OSBPL1A: variants seen among roughly 807,000 people sequenced by gnomAD.
The protein encoded by OSBPL1A is oxysterol-binding protein-related protein 1.
Under a neutral mutation model 137.1 loss-of-function variants are expected in OSBPL1A, and 80 were observed. The ratio of observed to expected loss-of-function variants is 0.58; its 90% CI spans 0.49 to 0.70. The LOEUF is 0.70. Ranked by LOEUF, OSBPL1A falls within the 30% of genes least tolerant of loss-of-function variation. The pLI, the probability that OSBPL1A is intolerant of heterozygous loss-of-function variation, is 0.00. For synonymous variants in OSBPL1A, 365 were observed against 389.7 expected (o/e 0.94, Z 0.75); for missense variants, 970 against 1,129.4 (o/e 0.86, Z 2.02).
At chr18:24,297,855 T>C (rs1376523213) in intron 14 of OSBPL1A, among the ~76,000 whole-genome samples, 1 of 152,174 alleles carries the variant, frequency 6.6e-6, no homozygotes, top group East Asian at 1.9e-4. Flanking sequence ...GAGAAGAATG[T>C]ATATTCTGCA....
At chr18:24,239,925 CTTT>C (rs10699940) in intron 15 of OSBPL1A, among the ~76,000 whole-genome samples, 6,847 of 125,574 alleles carry the variant, frequency 0.055, 201 homozygotes, top group African/African-American at 0.094. Context: ...TCATTTTTCT[CTTT>C]TTTTTTTTTT....
At chr18:24,263,357 G>A (rs1323889686) in intron 15 of OSBPL1A, among the ~76,000 whole-genome samples, 2 of 152,172 alleles carry the variant, frequency 1.3e-5, no homozygotes, top group Non-Finnish European at 2.9e-5. Flanking sequence ...ATCTTGTGAG[G>A]TTTGCCACTG....
chr18:24,281,885 G>A (rs1208791657), intron 14 of OSBPL1A, among the ~76,000 whole-genome samples: 4 of 152,178 alleles, frequency 2.6e-5, no homozygotes, highest in African/African-American at 9.6e-5. Context: ...GGTGAGTGGA[G>A]GGTGAGTGAG....
In OSBPL1A at chr18:24,269,641, A is replaced by G. The variant is rs535867095; in HGVS notation, c.1281+11201T>C. Among the ~76,000 whole-genome samples, 3 of 152,280 alleles carry G rather than the reference A, an allele frequency of 2.0e-5. No individual in the cohort carries two copies. The East Asian group carries it at 5.8e-4, about 29-fold the overall frequency. ...AATGTATAGGGGTTACACCCTTAAG[A>G]CTCTGAAGTTAAAATGAAAGGAAAA... On this transcript the variant is annotated intron_variant, in intron 15 of 27. Coordinates refer to ENST00000319481, the MANE Select transcript of OSBPL1A (RefSeq NM_080597.4).
At chr18:24,307,014 T>C (rs564325997) in intron 13 of OSBPL1A, among the ~76,000 whole-genome samples, 18 of 150,696 alleles carry the variant, frequency 1.2e-4, no homozygotes, top group African/African-American at 4.1e-4. Context: ...CCCAGCACTT[T>C]GGGAGGCTGA....
chr18:24,192,139 G>A (rs139765410), intron 18 of OSBPL1A, among the ~76,000 whole-genome samples: 4 of 152,218 alleles, frequency 2.6e-5, no homozygotes, highest in South Asian at 2.1e-4. Flanking sequence ...AGGGCAGCAC[G>A]CACATGGCCT....
intron 18 of OSBPL1A, among the ~76,000 whole-genome samples, chr18:24,182,512 C>G (rs72883234): frequency 0.15 from 22,882 of 152,140 alleles, 1,953 homozygotes; most frequent in Middle Eastern, 0.27. Flanking sequence ...CCTGACTTAC[C>G]TCTGACTTTT....
chr18:24,363,127 A>C (rs1284684294), intron 4 of OSBPL1A, among the ~76,000 whole-genome samples: 2 of 152,242 alleles, frequency 1.3e-5, no homozygotes, highest in Non-Finnish European at 2.9e-5. Flanking sequence ...TGCTTTTTCT[A>C]TTAGAGTGTC....
chr18:24,370,601 C>CA (rs367792335), intron 2 of OSBPL1A, among the ~76,000 whole-genome samples: 56 of 152,322 alleles, frequency 3.7e-4, no homozygotes, highest in Middle Eastern at 3.4e-3. Flanking sequence ...CAAGCACTCC[C>CA]AACTTCCCAG....
intron 4 of OSBPL1A, among the ~76,000 whole-genome samples, chr18:24,361,758 A>C (rs2091623414): frequency 6.6e-6 from 1 of 152,004 alleles, no homozygotes. Flanking sequence ...CCCTCCTATA[A>C]CCCCAGCACT....
intron 13 of OSBPL1A, among the ~76,000 whole-genome samples, chr18:24,307,099 A>AG: frequency 1.3e-5 from 2 of 151,020 alleles, no homozygotes; most frequent in East Asian, 3.9e-4. Flanking sequence ...CTACAAAAAA[A>AG]AAAAAACAAA....
At chr18:24,285,808 T>G (rs1159299513) in intron 14 of OSBPL1A, among the ~76,000 whole-genome samples, 9 of 152,162 alleles carry the variant, frequency 5.9e-5, no homozygotes. Context: ...CAATACATAA[T>G]GACTATATAC....
At chr18:24,360,117 C>T (rs115738789) in intron 4 of OSBPL1A, among the ~76,000 whole-genome samples, 2,103 of 152,124 alleles carry the variant, frequency 0.014, 44 homozygotes, top group African/African-American at 0.046. Flanking sequence ...TACAGGTACC[C>T]GACACCAGGC....
intron 15 of OSBPL1A, among the ~76,000 whole-genome samples, chr18:24,259,429 A>G (rs2089383673): frequency 6.6e-6 from 1 of 152,154 alleles, no homozygotes; most frequent in African/African-American, 2.4e-5. Flanking sequence ...ATACTTCTCC[A>G]TCTCTCTGTC....
chr18:24,295,404 CT>C (rs1356292698), intron 14 of OSBPL1A, among the ~76,000 whole-genome samples: 2 of 152,134 alleles, frequency 1.3e-5, no homozygotes, highest in Non-Finnish European at 2.9e-5. Flanking sequence ...TGTGCAGAAG[CT>C]TTTTAGTTTA....
At chr18:24,328,913 C>A (rs1291721379) in intron 7 of OSBPL1A, among the ~76,000 whole-genome samples, 1 of 152,060 alleles carries the variant, frequency 6.6e-6, no homozygotes, top group East Asian at 1.9e-4. Context: ...CACATAATTG[C>A]AATTGATTTC....
chr18:24,258,419 C>T (rs1419673992), intron 15 of OSBPL1A, among the ~76,000 whole-genome samples: 2 of 152,014 alleles, frequency 1.3e-5, no homozygotes, highest in Non-Finnish European at 2.9e-5. Flanking sequence ...AATTACAAAT[C>T]AAAACAATTG....
At chr18:24,208,596 T>C (rs1381692668) in intron 17 of OSBPL1A, among the ~76,000 whole-genome samples, 5 of 152,234 alleles carry the variant, frequency 3.3e-5, no homozygotes, top group Non-Finnish European at 5.9e-5. Context: ...CTTAAGAACA[T>C]GTAAAGTTGC....
intron 16 of OSBPL1A, among the ~76,000 whole-genome samples, chr18:24,232,454 G>A (rs1193755937): frequency 6.6e-6 from 1 of 152,104 alleles, no homozygotes; most frequent in East Asian, 1.9e-4. Flanking sequence ...AAAAGTACCG[G>A]CTCATCCCCA....
Sources: allele counts gnomAD v4.1 joint callset (sites outside exome capture counted in the v4.1 genomes callset), GRCh38; gene constraint gnomAD v4.1.1; transcripts MANE v1.5; gene names NCBI Gene and HGNC (gene_info 2026-07-23, HGNC 2026-07-21).